CCDC167: variants seen among roughly 807,000 people sequenced by gnomAD.
CCDC167 encodes coiled-coil domain-containing protein 167.
A neutral mutation model predicts 12.7 loss-of-function variants in CCDC167; 15 were observed. The ratio of observed to expected loss-of-function variants is 1.18; its 90% CI spans 0.79 to 1.81. CCDC167 has a LOEUF of 1.81. Ranked by LOEUF, CCDC167 falls within the 40% of genes most tolerant of loss-of-function variation. CCDC167 has a pLI of 0.00. For synonymous variants in CCDC167, 52 were observed against 49.0 expected (o/e 1.06, Z -0.26); for missense variants, 121 against 120.1 (o/e 1.01, Z -0.03).
chr6:37,496,578 C>T (rs1762101195), intron 1 of CCDC167, among the ~76,000 whole-genome samples: 1 of 152,088 alleles, frequency 6.6e-6, no homozygotes, highest in South Asian at 2.1e-4. Context: ...GAACGAATGC[C>T]CAAGAACGAG....
chr6:37,486,893 C>T (rs1761948845), intron 1 of CCDC167, among the ~76,000 whole-genome samples: 1 of 152,198 alleles, frequency 6.6e-6, no homozygotes, highest in African/African-American at 2.4e-5. Flanking sequence ...GCACACAGCC[C>T]AGCCCCTCAG....
intron 1 of CCDC167, among the ~76,000 whole-genome samples, chr6:37,494,771 T>G (rs1762075309): frequency 6.6e-6 from 1 of 150,992 alleles, no homozygotes; most frequent in African/African-American, 2.4e-5. Flanking sequence ...ATAGCTAAGC[T>G]TTTGAACCAA....
chr6:37,484,847 C>T lies in CCDC167; in HGVS notation c.153G>A (p.Lys51=). 1 of 1,614,264 alleles carries T rather than the reference C, an allele frequency of 6.2e-7. No homozygotes were observed. Among genetic ancestry groups the T allele is most frequent in the Admixed American group, 1.7e-5 (1 of 60,028 alleles). Residue 51 remains lysine (K), a synonymous_variant, in exon 3 of 4, where the codon AAG becomes AAA. Transcript: ENST00000373408. ...CTTTGTTCATTAGGCTGTTTTTCTC[C>T]TTCTCCAGGGACCTCCTGTGAGGGG... ...LSPEARRSLE[K]EKNSLMNKAS... is the part of the protein sequence containing the mutation.
intron 2 of CCDC167, 109 bp from the exon 3 acceptor site, chr6:37,484,971 G>T (rs1017949228): frequency 2.0e-6 from 3 of 1,465,288 alleles, no homozygotes; most frequent in African/African-American, 1.4e-5. Flanking sequence ...CGGCAGGGGG[G>T]GTGTGCACTG....
In CCDC167 at chr6:37,485,150, C is replaced by T. The variant is rs759658927; in HGVS notation, c.87G>A (p.Leu29=). The change falls in exon 2 of 4, where the codon CTG becomes CTA. Residue 29 remains leucine, a synonymous_variant. Coordinates refer to ENST00000373408, the MANE Select transcript of CCDC167 (RefSeq NM_138493.3). ...TGTGGAGTCTGGAGTTCACGGCCTC[C>T]AGGTCTCTCCGACACTGGGACAGCT... ...EEKLSQCRRD[L]EAVNSRLHSR... 3 of 1,613,646 alleles carry T rather than the reference C, an allele frequency of 1.9e-6. No individual in the cohort carries two copies. The highest frequency in any genetic ancestry group is 4.5e-5 in the East Asian group (2 of 44,886).
rs201310153 is a variant in CCDC167 at position 37,499,867 on chromosome 6, A to G, written c.-4T>C. 8 of 1,613,934 alleles carry G rather than the reference A, an allele frequency of 5.0e-6. No individual in the cohort carries two copies. Among genetic ancestry groups the G allele is most frequent in the Non-Finnish European group, 5.1e-6 (6 of 1,179,984 alleles). ...TCTCCCGCTTCTTTTTAGTCATGTT[A>G]CTTGCCGGGATCCCCCAGTCATCAC... is the stretch of plus-strand genomic sequence containing the variant. On this transcript the variant is annotated 5_prime_UTR_variant, in exon 1 of 4. Transcript: ENST00000373408.
chr6:37,492,405 G>T (rs745836409), intron 1 of CCDC167, among the ~76,000 whole-genome samples: 1 of 152,192 alleles, frequency 6.6e-6, no homozygotes, highest in Non-Finnish European at 1.5e-5. Context: ...GTGAGGGAAA[G>T]CCCTCATTGA....
intron 1 of CCDC167, among the ~76,000 whole-genome samples, chr6:37,499,192 A>G (rs1762134804): frequency 6.6e-6 from 1 of 152,208 alleles, no homozygotes; most frequent in Admixed American, 6.5e-5. Context: ...TAACAATGCA[A>G]TGAAAGTAGC....
At chr6:37,487,249 C>T (rs1005710639) in intron 1 of CCDC167, among the ~76,000 whole-genome samples, 11 of 152,290 alleles carry the variant, frequency 7.2e-5, no homozygotes, top group South Asian at 4.1e-4. Flanking sequence ...GGCAGAGGCC[C>T]GAGTCTAAAG....
At position 37,483,018 on chromosome 6, in the gene CCDC167, C is replaced by T. The variant is rs1004848103; in HGVS notation, c.*168G>A. On this transcript the variant is annotated 3_prime_UTR_variant, in exon 4 of 4. Transcript: ENST00000373408. The stretch of plus-strand genomic sequence containing the variant: ...TGTCCTTCTGGAGACCCGGAACCCC[C>T]CAGCAGGCCAGGGAGGCAAGGCCTG... 9 of 694,824 alleles carry T rather than the reference C, an allele frequency of 1.3e-5. No individual in the cohort carries two copies. In the Admixed American group the frequency reaches 1.6e-4, roughly 13 times the overall value. The allele number at this position is 694,824 out of a possible 1,614,324, so 43.0% of individuals were successfully genotyped here. A position where few individuals can be genotyped will look rare whatever the true frequency, so the allele number is the denominator to read the frequency against.
At chr6:37,486,779 A>G (rs576760940) in intron 1 of CCDC167, among the ~76,000 whole-genome samples, 47 of 152,350 alleles carry the variant, frequency 3.1e-4, no homozygotes, top group African/African-American at 1.1e-3. Flanking sequence ...GAACCTGTGC[A>G]GCATGGAAAT....
At chr6:37,493,893 G>A (rs896450390) in intron 1 of CCDC167, among the ~76,000 whole-genome samples, 2 of 152,316 alleles carry the variant, frequency 1.3e-5, no homozygotes, top group East Asian at 1.9e-4. Flanking sequence ...AGCGGAGACC[G>A]TCTTCAGCCA....
chr6:37,487,953 C>T (rs1761968682), intron 1 of CCDC167, among the ~76,000 whole-genome samples: 1 of 152,252 alleles, frequency 6.6e-6, no homozygotes, highest in Non-Finnish European at 1.5e-5. Context: ...GTCCTGCTGA[C>T]AGCTCTCGCT....
intron 1 of CCDC167, among the ~76,000 whole-genome samples, chr6:37,495,080 G>A (rs902653550): frequency 2.0e-5 from 3 of 152,142 alleles, no homozygotes; most frequent in Non-Finnish European, 4.4e-5. Flanking sequence ...GATTACAGGC[G>A]TGAGCCACTG....
intron 1 of CCDC167, among the ~76,000 whole-genome samples, chr6:37,495,568 C>G (rs1488222671): frequency 6.6e-6 from 1 of 152,166 alleles, no homozygotes; most frequent in Non-Finnish European, 1.5e-5. Flanking sequence ...TTTTCCAACT[C>G]TGAGATCTCA....
At chr6:37,489,427 C>T (rs1314029707) in intron 1 of CCDC167, among the ~76,000 whole-genome samples, 6 of 152,134 alleles carry the variant, frequency 3.9e-5, no homozygotes, top group African/African-American at 9.7e-5. Context: ...CAGGCCAGCT[C>T]GCTCCGCTTA....
In CCDC167 at chr6:37,483,100, TGG is replaced by T; in HGVS notation, c.*84_*85del. ...TTGGGAGGGGAACACCCCAGCACCT[TGG>T]TCCTATTGAGGCTTGAAGTGCCTGC... On this transcript the variant is annotated 3_prime_UTR_variant, in exon 4 of 4. Transcript: ENST00000373408. 9.7e-7 allele frequency: 1 copy of T among 1,035,254 alleles called. No homozygotes were observed. Among genetic ancestry groups the T allele is most frequent in the Non-Finnish European group, 1.5e-6 (1 of 656,276 alleles). The allele number at this position is 1,035,254 out of a possible 1,614,324, so 64.1% of individuals were successfully genotyped here.
At chr6:37,497,214 G>C (rs1412414351) in intron 1 of CCDC167, among the ~76,000 whole-genome samples, 1 of 152,198 alleles carries the variant, frequency 6.6e-6, no homozygotes, top group East Asian at 1.9e-4. Context: ...GTTGGTTCTT[G>C]TTGTTCCTGG....
intron 1 of CCDC167, among the ~76,000 whole-genome samples, chr6:37,493,027 G>A (rs1398017662): frequency 6.6e-6 from 1 of 152,214 alleles, no homozygotes; most frequent in Non-Finnish European, 1.5e-5. Context: ...GCCCTGTAAG[G>A]ATTTCTCTCG....
Sources: allele counts gnomAD v4.1 joint callset (sites outside exome capture counted in the v4.1 genomes callset), GRCh38; gene constraint gnomAD v4.1.1; transcripts MANE v1.5; gene names NCBI Gene and HGNC (gene_info 2026-07-23, HGNC 2026-07-21).